Variants in ARHGAP35 observed in about 807,000 individuals in gnomAD.
The protein encoded by ARHGAP35 is rho GTPase-activating protein 35.
Under a neutral mutation model 111.1 loss-of-function variants are expected in ARHGAP35, and 15 were observed. The observed-to-expected ratio is 0.13, with a 90% confidence interval of 0.09 to 0.21. The LOEUF is 0.21. ARHGAP35 is among the 10% of genes least tolerant of loss of function. ARHGAP35 has a pLI of 1.00. For missense variants in ARHGAP35, 1,262 were observed against 1,873.0 expected (o/e 0.67, Z 6.02); for synonymous variants, 643 against 710.3 (o/e 0.91, Z 1.51).
In ARHGAP35 at chr19:46,996,584, G is replaced by T. The variant is rs2056709737; in HGVS notation, c.4037-2720G>T. Among the ~76,000 whole-genome samples the T allele has an allele frequency of 5.3e-5, 8 of 152,246 alleles. No individual in the cohort carries two copies. In the South Asian group the frequency reaches 1.7e-3, roughly 32 times the overall value. On this transcript the variant is annotated intron_variant, in intron 5 of 6. Coordinates refer to ENST00000672722, the MANE Select transcript of ARHGAP35 (RefSeq NM_004491.5). Reference sequence around the variant, plus strand: ...CAGCCAGAGGACGGGATGAGACCCAGCTCTTATGTAAAGGTGCTACCACTC... The same window carrying T: ...CAGCCAGAGGACGGGATGAGACCCATCTCTTATGTAAAGGTGCTACCACTC...
At chr19:46,879,382 A>C (rs546881716) in intron 1 of ARHGAP35, among the ~76,000 whole-genome samples, 1 of 151,948 alleles carries the variant, frequency 6.6e-6, no homozygotes, top group Non-Finnish European at 1.5e-5. Flanking sequence ...AGTTCAGGAG[A>C]TAGAGACCAT....
chr19:46,999,480 C>A lies in ARHGAP35; in HGVS notation c.4142+71C>A. On this transcript the variant is annotated intron_variant, in intron 6 of 6. Transcript: ENST00000672722. This position sits in a 1 kb window ranked among gnomAD's most constrained non-coding sequence, Gnocchi z 5.4. ...CAGCCAGGGTCAGTGTGTCGCAGAA[C>A]AAGGCTCTGTCCACAAGCCAGTAGA... is the stretch of plus-strand genomic sequence containing the variant. 9.5e-7 allele frequency: 1 copy of A among 1,055,758 alleles called. No individual in the cohort carries two copies. Among genetic ancestry groups the A allele is most frequent in the Non-Finnish European group, 1.4e-6 (1 of 708,972 alleles). The allele number at this position is 1,055,758 out of a possible 1,614,324, so 65.4% of individuals were successfully genotyped here.
intron 1 of ARHGAP35, among the ~76,000 whole-genome samples, chr19:46,865,190 G>A (rs975484530): frequency 6.6e-6 from 1 of 152,304 alleles, no homozygotes; most frequent in East Asian, 1.9e-4. Flanking sequence ...CAGTTAATAT[G>A]CCATTTGGAG....
At chr19:46,903,199 C>T (rs778270265) in intron 1 of ARHGAP35, among the ~76,000 whole-genome samples, 12 of 152,152 alleles carry the variant, frequency 7.9e-5, no homozygotes, top group Non-Finnish European at 1.2e-4. Context: ...TGGGTTGAGA[C>T]ACCTACTCAT....
In ARHGAP35 at chr19:46,921,082, G is replaced by A; in HGVS notation, c.2407G>A (p.Val803Ile). 1.9e-6 allele frequency: 3 copies of A among 1,613,912 alleles called. No individual in the cohort carries two copies. The highest frequency in any genetic ancestry group is 2.5e-6 in the Non-Finnish European group (3 of 1,179,888). Reference protein sequence around the residue: ...PFSADDILFPVLQSQTCKSSH... With the variant: ...PFSADDILFPILQSQTCKSSH... The stretch of plus-strand genomic sequence containing the variant: ...TAGTGCAGATGACATACTTTTTCCT[G>A]TCCTTCAGTCCCAAACCTGTAAATC... The change falls in exon 2 of 7, where the codon GTC becomes ATC. Residue 803 changes from valine (V) to isoleucine (I), a missense_variant. Physicochemically the swap from Val to Ile is conservative, Grantham distance 29. Transcript: ENST00000672722. This position sits in a 1 kb window ranked among gnomAD's most constrained non-coding sequence, Gnocchi z 4.3.
Position 47,000,667 on chromosome 19 carries a change from T to G in ARHGAP35, c.4479T>G (p.Leu1493=). The change falls in exon 7 of 7, where the codon CTT becomes CTG. Residue 1493 remains leucine (L), a synonymous_variant. Transcript: ENST00000672722. The surrounding 1 kb of genome is among the most constrained non-coding windows in gnomAD (Gnocchi z 6.9). ...TGCAGCCACTGCTTCCCTCCCAGCTTCAAGCCGAACACACGCTGTGAGCCA... is the reference window on the plus strand; with the variant it reads ...TGCAGCCACTGCTTCCCTCCCAGCTGCAAGCCGAACACACGCTGTGAGCCA... ...SPMQPLLPSQ[L]QAEHTL 1 of 1,593,046 alleles carries G rather than the reference T, an allele frequency of 6.3e-7. No homozygotes were observed. Among genetic ancestry groups the G allele is most frequent in the Non-Finnish European group, 8.6e-7 (1 of 1,168,800 alleles).
At position 47,001,322 on chromosome 19, in the gene ARHGAP35, C is replaced by G. The variant is rs1023119634; in HGVS notation, c.*634C>G. The G allele has an allele frequency of 3.3e-5, 42 of 1,290,418 alleles. No individual in the cohort carries two copies. The highest frequency in any genetic ancestry group is 4.0e-5 in the Non-Finnish European group (40 of 989,248). The allele number at this position is 1,290,418 out of a possible 1,614,324, so 79.9% of individuals were successfully genotyped here. On this transcript the variant is annotated 3_prime_UTR_variant, in exon 7 of 7. Transcript: ENST00000672722. The surrounding 1 kb of genome is among the most constrained non-coding windows in gnomAD (Gnocchi z 5.4). ...GTGGGACTCCCCGCTTCATCCCCAC[C>G]GTCCCACTCCACAGCCTTCCCGAAA...
chr19:46,889,311 A>G (rs1450468669), intron 1 of ARHGAP35, among the ~76,000 whole-genome samples: 4 of 150,764 alleles, frequency 2.7e-5, no homozygotes, highest in African/African-American at 7.3e-5. Context: ...TAAAAATACA[A>G]AAGTTGGTGT....
chr19:46,889,331 T>C (rs1335374897), intron 1 of ARHGAP35, among the ~76,000 whole-genome samples: 1 of 151,824 alleles, frequency 6.6e-6, no homozygotes, highest in Admixed American at 6.6e-5. Flanking sequence ...TGGTGGCGTG[T>C]GCCTGTAGTC....
At chr19:46,895,801 A>AT (rs2056051959) in intron 1 of ARHGAP35, among the ~76,000 whole-genome samples, 1 of 152,046 alleles carries the variant, frequency 6.6e-6, no homozygotes, top group Non-Finnish European at 1.5e-5. Flanking sequence ...TCCCGGGTGG[A>AT]TTTAAAAATC....
rs565022619 is a variant in ARHGAP35, at chr19:46,994,649, C to T, written c.4037-4655C>T. 3.3e-5 allele frequency among the ~76,000 whole-genome samples: 5 copies of T among 152,288 alleles called. No homozygotes were observed. Among genetic ancestry groups the T allele is most frequent in the South Asian group, 2.1e-4 (1 of 4,830 alleles). On this transcript the variant is annotated intron_variant, in intron 5 of 6. Coordinates refer to ENST00000672722, the MANE Select transcript of ARHGAP35 (RefSeq NM_004491.5). The surrounding 1 kb of genome is among the most constrained non-coding windows in gnomAD (Gnocchi z 5.4). ...CAGGGCCAGGAAGGCCTCGAGGAGCCGGCCCAGAGCTCCTAGACTAGAGAG... is the reference window on the plus strand; with the variant it reads ...CAGGGCCAGGAAGGCCTCGAGGAGCTGGCCCAGAGCTCCTAGACTAGAGAG...
intron 1 of ARHGAP35, among the ~76,000 whole-genome samples, chr19:46,867,784 T>C (rs1438108993): frequency 6.6e-6 from 1 of 152,094 alleles, no homozygotes; most frequent in Non-Finnish European, 1.5e-5. Flanking sequence ...TTGTTTTTTT[T>C]TTGGAGATGT....
intron 1 of ARHGAP35, among the ~76,000 whole-genome samples, chr19:46,905,665 T>C (rs924790994): frequency 5.3e-5 from 8 of 151,824 alleles, no homozygotes; most frequent in Non-Finnish European, 1.2e-4. Context: ...TTCTGGTGCC[T>C]CAGCTTCCTA....
intron 3 of ARHGAP35, among the ~76,000 whole-genome samples, chr19:46,959,769 T>C (rs1449093168): frequency 6.6e-6 from 1 of 150,784 alleles, no homozygotes; most frequent in Non-Finnish European, 1.5e-5. Flanking sequence ...ACCATTGTTT[T>C]AGAAACTGCT....
At chr19:46,879,615 T>TAAATAAATAAATAAAA (rs1381786999) in intron 1 of ARHGAP35, among the ~76,000 whole-genome samples, 32 of 147,492 alleles carry the variant, frequency 2.2e-4, no homozygotes, top group East Asian at 1.8e-3. Flanking sequence ...AATAAATAAA[T>TAAATAAATAAATAAAA]AAAAATAAAA....
chr19:46,885,568 G>T (rs1329488971), intron 1 of ARHGAP35, among the ~76,000 whole-genome samples: 1 of 152,100 alleles, frequency 6.6e-6, no homozygotes, highest in African/African-American at 2.4e-5. Context: ...TTAATGTGGG[G>T]TTAATGCCGG....
At chr19:46,983,045 C>A (rs534349000) in intron 3 of ARHGAP35, among the ~76,000 whole-genome samples, 1 of 84,668 alleles carries the variant, frequency 1.2e-5, no homozygotes, top group Non-Finnish European at 2.2e-5. Flanking sequence ...CAAAGCAAGA[C>A]CTTGTGTACA....
rs1252917488 is a variant in ARHGAP35 at position 47,001,745 on chromosome 19, T to G, written c.*1057T>G. 1.4e-5 allele frequency: 4 copies of G among 291,128 alleles called. No individual in the cohort carries two copies. Among genetic ancestry groups the G allele is most frequent in the African/African-American group, 6.6e-5 (3 of 45,542 alleles). 18.0% of individuals were successfully genotyped at this position (291,128 alleles called of 1,614,324 possible). On this transcript the variant is annotated 3_prime_UTR_variant, in exon 7 of 7. Coordinates refer to ENST00000672722, the MANE Select transcript of ARHGAP35 (RefSeq NM_004491.5). This position sits in a 1 kb window ranked among gnomAD's most constrained non-coding sequence, Gnocchi z 5.4. The stretch of plus-strand genomic sequence containing the variant: ...CATGTGCGTGGGGTGGGGGTGTGTG[T>G]GCACATGTGAGTGTGAGTGTGTGTG...
chr19:46,971,911 G>C (rs1425589558), intron 3 of ARHGAP35, among the ~76,000 whole-genome samples: 1 of 152,196 alleles, frequency 6.6e-6, no homozygotes, highest in Non-Finnish European at 1.5e-5. Context: ...ACTGATGAGT[G>C]GTGCACAGTT....
Sources: allele counts gnomAD v4.1 joint callset (sites outside exome capture counted in the v4.1 genomes callset), GRCh38; gene constraint gnomAD v4.1.1; non-coding constraint Gnocchi (gnomAD v3.1); transcripts MANE v1.5; gene names NCBI Gene and HGNC (gene_info 2026-07-23, HGNC 2026-07-21).